The following PARD3 variants were observed in gnomAD, a reference collection of about 807,000 sequenced individuals.
PARD3 encodes the protein partitioning defective 3 homolog.
A neutral mutation model predicts 155.4 loss-of-function variants in PARD3; 75 were observed. The ratio of observed to expected loss-of-function variants is 0.48; its 90% CI spans 0.40 to 0.58. PARD3 has a LOEUF of 0.58. PARD3 is among the 20% of genes least tolerant of loss of function. The probability of loss-of-function intolerance (pLI) is 0.00; values close to 1 mark genes in which losing one functional copy is unlikely to be tolerated. For synonymous variants in PARD3, 576 were observed against 610.5 expected, an observed-to-expected ratio of 0.94 and a Z score of 0.83; for missense variants, 1,642 against 1,721.7, an observed-to-expected ratio of 0.95 and a Z score of 0.82.
At chr10:34,283,686 A>C (rs1290714411) in intron 21 of PARD3, among the ~76,000 whole-genome samples, 1 of 152,140 alleles carries the variant, frequency 6.6e-6, no homozygotes, top group Non-Finnish European at 1.5e-5. Flanking sequence ...CAACATAATG[A>C]ATAACAGCCT....
At chr10:34,697,531 C>G (rs751904350) in intron 1 of PARD3, among the ~76,000 whole-genome samples, 6 of 152,148 alleles carry the variant, frequency 3.9e-5, no homozygotes, top group Non-Finnish European at 8.8e-5. Context: ...CCATCTCTAA[C>G]AAAGCATGCC....
rs199775711 is a variant in PARD3 at position 34,450,301 on chromosome 10, G to A, written c.714+16C>T. 2 of 1,609,944 alleles carry A rather than the reference G, an allele frequency of 1.2e-6. No homozygotes were observed. The highest frequency in any genetic ancestry group is 1.7e-6 in the Non-Finnish European group (2 of 1,178,402). On this transcript the variant is annotated intron_variant, in intron 5 of 24. Transcript: ENST00000374788. ...TGTTACAGCAATGACGCACATATAA[G>A]GATTTGTCATGTTACCTGTTCTTGT...
chr10:34,149,886 A>G (rs1948698577), intron 22 of PARD3, among the ~76,000 whole-genome samples: 1 of 152,198 alleles, frequency 6.6e-6, no homozygotes, highest in African/African-American at 2.4e-5. Flanking sequence ...ATGTACAACT[A>G]TAATTACTCT....
chr10:34,653,207 G>A (rs922666151), intron 2 of PARD3, among the ~76,000 whole-genome samples: 9 of 151,912 alleles, frequency 5.9e-5, no homozygotes, highest in Admixed American at 5.2e-4. Flanking sequence ...AATTACGTTC[G>A]AACATTAAAA....
intron 2 of PARD3, among the ~76,000 whole-genome samples, chr10:34,545,421 T>C (rs1017395746): frequency 6.6e-6 from 1 of 152,162 alleles, no homozygotes; most frequent in Non-Finnish European, 1.5e-5. Flanking sequence ...TCAACAGATA[T>C]AAACATTTGG....
intron 2 of PARD3, among the ~76,000 whole-genome samples, chr10:34,573,758 C>A (rs966986126): frequency 7.3e-5 from 11 of 151,354 alleles, no homozygotes; most frequent in African/African-American, 2.2e-4. Context: ...CACACACACA[C>A]ACACACACAC....
At chr10:34,359,621 ATAGAGGTTATT>A (rs1839244044) in intron 13 of PARD3, among the ~76,000 whole-genome samples, 1 of 152,210 alleles carries the variant, frequency 6.6e-6, no homozygotes, top group Non-Finnish European at 1.5e-5. Flanking sequence ...AGAAACACCC[ATAGAGGTTATT>A]TAGAAACCAA....
At chr10:34,478,694 C>T (rs1417801127) in intron 3 of PARD3, among the ~76,000 whole-genome samples, 1 of 152,126 alleles carries the variant, frequency 6.6e-6, no homozygotes, top group Non-Finnish European at 1.5e-5. Flanking sequence ...CAGGCATGTG[C>T]CACCACGCCC....
chr10:34,287,175 G>C (rs1956439887), intron 20 of PARD3, among the ~76,000 whole-genome samples: 1 of 152,094 alleles, frequency 6.6e-6, no homozygotes, highest in African/African-American at 2.4e-5. Flanking sequence ...TGGAAGTTCT[G>C]CAACACTGAG....
At chr10:34,516,663 T>G (rs572230149) in intron 3 of PARD3, among the ~76,000 whole-genome samples, 1 of 152,330 alleles carries the variant, frequency 6.6e-6, no homozygotes, top group South Asian at 2.1e-4. Context: ...GCAAAGCTCT[T>G]TGGTCATTTC....
At chr10:34,145,232 T>A (rs1948447532) in intron 22 of PARD3, among the ~76,000 whole-genome samples, 1 of 137,218 alleles carries the variant, frequency 7.3e-6, no homozygotes, top group African/African-American at 2.8e-5. Context: ...TTTTTTTTTT[T>A]TTTTTTTTTA....
intron 22 of PARD3, among the ~76,000 whole-genome samples, chr10:34,229,657 GGTGC>G (rs1564501531): frequency 9.4e-6 from 1 of 106,246 alleles, no homozygotes; most frequent in African/African-American, 3.8e-5. Flanking sequence ...TCTAGTTGAG[GGTGC>G]GTGTGTGTGT....
At chr10:34,189,847 C>A (rs200343800) in intron 22 of PARD3, among the ~76,000 whole-genome samples, 2 of 143,748 alleles carry the variant, frequency 1.4e-5, no homozygotes, top group Non-Finnish European at 3.1e-5. Flanking sequence ...TTGAGGAAAA[C>A]CACTGACAGT....
At chr10:34,367,498 G>C (rs1239647933) in intron 12 of PARD3, among the ~76,000 whole-genome samples, 1 of 152,122 alleles carries the variant, frequency 6.6e-6, no homozygotes, top group Non-Finnish European at 1.5e-5. Context: ...GAGGTCAAGA[G>C]ATCAAGACCA....
chr10:34,532,738 C>T (rs1342978900), intron 2 of PARD3, among the ~76,000 whole-genome samples: 2 of 152,222 alleles, frequency 1.3e-5, no homozygotes, highest in Non-Finnish European at 2.9e-5. Context: ...TCTGACACTA[C>T]AAAGTTACAT....
chr10:34,724,610 T>C (rs1231218758), intron 1 of PARD3, among the ~76,000 whole-genome samples: 1 of 152,232 alleles, frequency 6.6e-6, no homozygotes, highest in Non-Finnish European at 1.5e-5. Context: ...TGAATATATA[T>C]AAGCTAAACT....
At chr10:34,221,839 AC>A (rs1952312973) in intron 22 of PARD3, among the ~76,000 whole-genome samples, 1 of 152,218 alleles carries the variant, frequency 6.6e-6, no homozygotes, top group African/African-American at 2.4e-5. Context: ...GTTGTGTTTC[AC>A]CATTCTATTG....
chr10:34,506,729 T>C (rs2081088969), intron 3 of PARD3, among the ~76,000 whole-genome samples: 1 of 152,194 alleles, frequency 6.6e-6, no homozygotes, highest in Non-Finnish European at 1.5e-5. Flanking sequence ...TCGTGTTTTA[T>C]GGATGAAAAA....
intron 19 of PARD3, among the ~76,000 whole-genome samples, chr10:34,326,276 A>G (rs1835020100): frequency 6.6e-6 from 1 of 152,186 alleles, no homozygotes; most frequent in Non-Finnish European, 1.5e-5. Flanking sequence ...CCATACACCC[A>G]TACTATGATC....
Sources: allele counts gnomAD v4.1 joint callset (sites outside exome capture counted in the v4.1 genomes callset), GRCh38; gene constraint gnomAD v4.1.1; transcripts MANE v1.5; gene names NCBI Gene and HGNC (gene_info 2026-07-23, HGNC 2026-07-21).